The following APBB2 variants were observed in gnomAD, a reference collection of about 807,000 sequenced individuals.
APBB2 encodes the protein Fe65-like 1.
APBB2 carries 38 observed loss-of-function variants against 82.5 expected under a neutral mutation model. The ratio of observed to expected loss-of-function variants is 0.46; its 90% CI spans 0.36 to 0.60. The LOEUF is 0.60. APBB2 is among the 20% of genes least tolerant of loss of function. APBB2 has a pLI of 0.00. For synonymous variants in APBB2, 341 were observed against 368.2 expected, an observed-to-expected ratio of 0.93 and a Z score of 0.85; for missense variants, 772 against 972.3, an observed-to-expected ratio of 0.79 and a Z score of 2.74.
chr4:41,174,150 T>C (rs1257222169), intron 1 of APBB2, among the ~76,000 whole-genome samples: 1 of 152,194 alleles, frequency 6.6e-6, no homozygotes, highest in Non-Finnish European at 1.5e-5. Flanking sequence ...AGATAAATTT[T>C]CCTGGGCCCA....
At chr4:40,987,769 T>C (rs1487379603) in intron 6 of APBB2, among the ~76,000 whole-genome samples, 9 of 152,250 alleles carry the variant, frequency 5.9e-5, no homozygotes, top group African/African-American at 2.2e-4. Context: ...AAACTATAAA[T>C]GATTCTGTGA....
chr4:41,077,982 T>C (rs1288909203), intron 3 of APBB2, among the ~76,000 whole-genome samples: 1 of 152,134 alleles, frequency 6.6e-6, no homozygotes, highest in African/African-American at 2.4e-5. Context: ...AAATAAATAG[T>C]AAATAAATAG....
At chr4:41,168,876 A>C (rs1767454343) in intron 1 of APBB2, among the ~76,000 whole-genome samples, 2 of 152,172 alleles carry the variant, frequency 1.3e-5, no homozygotes, top group African/African-American at 4.8e-5. Context: ...ACAGAAAGGA[A>C]GGAAAGGTAA....
intron 4 of APBB2, among the ~76,000 whole-genome samples, chr4:41,034,974 G>A (rs1194482314): frequency 3.3e-5 from 5 of 152,108 alleles, no homozygotes; most frequent in Non-Finnish European, 7.4e-5. Flanking sequence ...TACAAAAACA[G>A]GAAAAACAGA....
chr4:40,840,878 A>C (rs1250160016), intron 12 of APBB2, among the ~76,000 whole-genome samples: 1 of 152,144 alleles, frequency 6.6e-6, no homozygotes, highest in East Asian at 1.9e-4. Context: ...GGAGGATAGG[A>C]ACTAGCGAAC....
chr4:41,109,051 C>G (rs35471638), intron 2 of APBB2, among the ~76,000 whole-genome samples: 9,235 of 152,242 alleles, frequency 0.061, 332 homozygotes, highest in Middle Eastern at 0.13. Flanking sequence ...CTTTGCCACA[C>G]AGCATTGATT....
chr4:40,893,041 CT>C, intron 11 of APBB2: 1 of 418,488 alleles, frequency 2.4e-6, no homozygotes, highest in Non-Finnish European at 4.2e-6. Flanking sequence ...TCCTTAGCTA[CT>C]GAGAAACGCT....
chr4:41,159,977 A>AGAG (rs1764613305), intron 1 of APBB2, among the ~76,000 whole-genome samples: 2 of 128,346 alleles, frequency 1.6e-5, no homozygotes, highest in African/African-American at 3.1e-5. Context: ...AAGAAGAAGA[A>AGAG]GAAGAAGAAG....
intron 1 of APBB2, among the ~76,000 whole-genome samples, chr4:41,212,564 A>T (rs951875732): frequency 6.6e-6 from 1 of 152,226 alleles, no homozygotes; most frequent in African/African-American, 2.4e-5. Context: ...AGAAGAGGGA[A>T]TAAAAGCATA....
chr4:41,057,135 T>C (rs894825043), intron 4 of APBB2, among the ~76,000 whole-genome samples: 1 of 152,216 alleles, frequency 6.6e-6, no homozygotes, highest in African/African-American at 2.4e-5. Context: ...AGTCTAGATA[T>C]TCCTTTAACA....
intron 5 of APBB2, among the ~76,000 whole-genome samples, chr4:41,030,536 G>A (rs143186956): frequency 6.6e-6 from 1 of 152,230 alleles, no homozygotes; most frequent in East Asian, 1.9e-4. Flanking sequence ...AGTAGCTGGA[G>A]CTACAGGTAT....
chr4:40,847,387 G>A (rs1315438711), intron 12 of APBB2, among the ~76,000 whole-genome samples: 5 of 152,188 alleles, frequency 3.3e-5, no homozygotes, highest in Admixed American at 2.0e-4. Context: ...ACTGCAACCC[G>A]GGAGGTGGAG....
intron 6 of APBB2, among the ~76,000 whole-genome samples, chr4:40,971,468 T>G (rs1441582517): frequency 1.3e-5 from 2 of 152,232 alleles, no homozygotes; most frequent in Non-Finnish European, 2.9e-5. Flanking sequence ...ATTATACATC[T>G]TTATGCAGAA....
rs555508435 is a variant in APBB2 at position 40,874,929 on chromosome 4, G to C, written c.1529+15435C>G. Among the ~76,000 whole-genome samples, 3 of 152,290 alleles carry C rather than the reference G, an allele frequency of 2.0e-5. No individual in the cohort carries two copies. In the South Asian group the frequency reaches 6.2e-4, roughly 32 times the overall value. ...TATGACCAATCAGTGGTCACAAACA[G>C]CGTTTTAAAAGTTAAAAGAGTAGTA... On this transcript the variant is annotated intron_variant, in intron 12 of 17. Transcript: ENST00000508593.
At chr4:40,974,567 C>T (rs753417165) in intron 6 of APBB2, among the ~76,000 whole-genome samples, 19 of 152,180 alleles carry the variant, frequency 1.2e-4, no homozygotes, top group Non-Finnish European at 2.1e-4. Context: ...AGTTGCCTAA[C>T]CACTTCTCTG....
At chr4:41,084,191 G>A (rs1289672260) in intron 3 of APBB2, among the ~76,000 whole-genome samples, 2 of 152,142 alleles carry the variant, frequency 1.3e-5, no homozygotes, top group African/African-American at 2.4e-5. Flanking sequence ...TCAGAAGGCC[G>A]AGACAGGCGG....
At chr4:41,141,975 G>A (rs549290292) in intron 2 of APBB2, among the ~76,000 whole-genome samples, 4 of 152,234 alleles carry the variant, frequency 2.6e-5, no homozygotes, top group African/African-American at 7.2e-5. Flanking sequence ...CACTGGCCAC[G>A]CTTATGTTAC....
intron 12 of APBB2, among the ~76,000 whole-genome samples, chr4:40,854,790 C>CAA: frequency 8.0e-6 from 1 of 124,820 alleles, no homozygotes; most frequent in African/African-American, 3.2e-5. Flanking sequence ...AGTCCATCTC[C>CAA]AAAAAAAAAA....
At position 40,835,772 on chromosome 4, in the gene APBB2, G is replaced by A. The variant is rs573996696; in HGVS notation, c.1530-5195C>T. On this transcript the variant is annotated intron_variant, in intron 12 of 17. Transcript: ENST00000508593. ...AAGGGGACTGCTGGGGGCCACTGCG[G>A]TGGTCCAGCGCAGGGGGATGAGCAA... Among the ~76,000 whole-genome samples, 4 of 152,256 alleles carry A rather than the reference G, an allele frequency of 2.6e-5. No individual in the cohort carries two copies. The South Asian group carries it at 8.3e-4, about 32-fold the overall frequency.
Sources: gnomAD v4.1 joint callset for allele counts (sites outside exome capture counted in the v4.1 genomes callset) on GRCh38, gnomAD v4.1.1 for gene constraint, MANE v1.5 for transcripts, NCBI Gene and HGNC (gene_info 2026-07-23, HGNC 2026-07-21) for gene names.